Variants in DPY19L1 observed in about 807,000 individuals in gnomAD.
DPY19L1 encodes dpy-19 like C-mannosyltransferase 1, also known as protein C-mannosyl-transferase DPY19L1.
In DPY19L1, 35 loss-of-function variants were observed where a neutral mutation model predicts 96.9. The ratio of observed to expected loss-of-function variants is 0.36; its 90% CI spans 0.28 to 0.48. The LOEUF (loss-of-function observed/expected upper bound fraction) is 0.48, where lower values mean the gene tolerates loss of function less well. Ranked by LOEUF, DPY19L1 falls within the 20% of genes least tolerant of loss-of-function variation. DPY19L1 has a pLI of 0.99. For missense variants in DPY19L1, 521 were observed against 777.9 expected (o/e 0.67, Z 3.93); for synonymous variants, 205 against 252.6 (o/e 0.81, Z 1.79).
At chr7:34,931,817 T>C (rs1220398958) in intron 21 of DPY19L1, 88 bp from the exon 22 acceptor site, 5 of 1,464,726 alleles carry the variant, frequency 3.4e-6, no homozygotes, top group Non-Finnish European at 4.5e-6. Flanking sequence ...CTGACCTCAA[T>C]TCCTTTTTTC....
Position 34,932,280 on chromosome 7 carries a change from G to C in DPY19L1, c.2091-551C>G, listed in dbSNP as rs59982248. 6.5e-3 allele frequency among the ~76,000 whole-genome samples: 988 copies of C among 152,286 alleles called. 11 individuals are homozygous for C. Among genetic ancestry groups the C allele is most frequent in the African/African-American group, 0.023 (940 of 41,550 alleles). ...GTATGTTCCAATAAACCCATCATAAGTTGAAAATGCATTTAATACACCTAA... is the reference window on the plus strand; with the variant it reads ...GTATGTTCCAATAAACCCATCATAACTTGAAAATGCATTTAATACACCTAA... On this transcript the variant is annotated intron_variant, in intron 21 of 21. Coordinates refer to ENST00000638088, the MANE Select transcript of DPY19L1 (RefSeq NM_001366673.1).
At chr7:34,988,966 C>A (rs1397103955) in intron 7 of DPY19L1, among the ~76,000 whole-genome samples, 1 of 152,140 alleles carries the variant, frequency 6.6e-6, no homozygotes, top group African/African-American at 2.4e-5. Context: ...TGCAATAATC[C>A]TATGAGGTGG....
chr7:34,962,464 G>A (rs1008865700), intron 10 of DPY19L1, among the ~76,000 whole-genome samples: 3 of 152,190 alleles, frequency 2.0e-5, no homozygotes, highest in African/African-American at 7.2e-5. Flanking sequence ...TGAATAGGTG[G>A]AGCACAGAAG....
chr7:34,940,150 T>A lies in DPY19L1; in HGVS notation c.1864+3A>T. The A allele has an allele frequency of 6.8e-7, 1 of 1,462,552 alleles. No homozygotes were observed. The highest frequency in any genetic ancestry group is 9.0e-7 in the Non-Finnish European group (1 of 1,110,952). 90.6% of individuals were successfully genotyped at this position (1,462,552 alleles called of 1,614,324 possible). A position where few individuals can be genotyped will look rare whatever the true frequency, so the allele number is the denominator to read the frequency against. On this transcript the variant is annotated splice_donor_region_variant and intron_variant, in intron 19 of 21. Transcript: ENST00000638088. Reference sequence around the variant, plus strand: ...ACTTTTTTTTTCTTTTTTTTTTTTTTACCTGGTTTAGTACTATATTTGATC... The same window carrying A: ...ACTTTTTTTTTCTTTTTTTTTTTTTAACCTGGTTTAGTACTATATTTGATC...
chr7:34,977,496 A>G (rs1354620215), intron 7 of DPY19L1, among the ~76,000 whole-genome samples: 2 of 152,206 alleles, frequency 1.3e-5, no homozygotes, highest in Admixed American at 1.3e-4. Context: ...GACTGTAATG[A>G]AGGGCAAGGT....
chr7:34,966,094 C>G (rs1784602420), intron 10 of DPY19L1, among the ~76,000 whole-genome samples: 1 of 151,742 alleles, frequency 6.6e-6, no homozygotes, highest in Admixed American at 6.6e-5. Context: ...CTCCTGGGCT[C>G]AAATGTCCTC....
rs561158085 is a variant in DPY19L1, at chr7:35,005,030, G to T, written c.764+5438C>A. On this transcript the variant is annotated intron_variant, in intron 6 of 21. Coordinates refer to ENST00000638088, the MANE Select transcript of DPY19L1 (RefSeq NM_001366673.1). ...GTCTAAAAATCTAATGGGTTATTTT[G>T]GGGGCAACCTCAGATAGGATACTGA... Among the ~76,000 whole-genome samples, 192 of 152,276 alleles carry T rather than the reference G, an allele frequency of 1.3e-3. 1 individual carries two copies. The highest frequency in any genetic ancestry group is 4.2e-3 in the Admixed American group (64 of 15,300).
At chr7:34,953,383 G>C (rs759407318) in intron 13 of DPY19L1, among the ~76,000 whole-genome samples, 18 of 152,042 alleles carry the variant, frequency 1.2e-4, no homozygotes, top group Non-Finnish European at 2.5e-4. Context: ...ACCTTAACTG[G>C]TTCATGTTCC....
intron 14 of DPY19L1, 74 bp downstream of exon 14, chr7:34,949,723 T>TA (rs1784231013): frequency 1.1e-6 from 1 of 906,576 alleles, no homozygotes; most frequent in East Asian, 2.6e-5. Flanking sequence ...AAGAGTCTGA[T>TA]ATAAGAGGAG....
chr7:35,037,579 G>C (rs1418530302), upstream of DPY19L1: 1 of 289,640 alleles, frequency 3.5e-6, no homozygotes, highest in Non-Finnish European at 6.4e-6. Context: ...CTGCTGCCTG[G>C]CTGGCAGTAC....
At chr7:34,962,141 C>A (rs1289971641) in intron 10 of DPY19L1, among the ~76,000 whole-genome samples, 1 of 152,190 alleles carries the variant, frequency 6.6e-6, no homozygotes, top group Non-Finnish European at 1.5e-5. Flanking sequence ...AACCTGCATA[C>A]AGATGTTTAC....
At chr7:34,976,948 TA>T (rs1784843641) in intron 7 of DPY19L1, among the ~76,000 whole-genome samples, 1 of 138,160 alleles carries the variant, frequency 7.2e-6, no homozygotes, top group Admixed American at 7.2e-5. Context: ...CACACCCAGC[TA>T]ATTTTTTTTT....
intron 7 of DPY19L1, among the ~76,000 whole-genome samples, chr7:34,980,502 A>T (rs1212036835): frequency 6.6e-6 from 1 of 152,142 alleles, no homozygotes; most frequent in Non-Finnish European, 1.5e-5. Context: ...AAAACGAAAA[A>T]AGAGGAAAAG....
intron 6 of DPY19L1, among the ~76,000 whole-genome samples, chr7:35,001,217 T>C (rs1785418885): frequency 6.6e-6 from 1 of 152,216 alleles, no homozygotes; most frequent in African/African-American, 2.4e-5. Context: ...AAGATTGGAA[T>C]CTGCAGAAGG....
intron 4 of DPY19L1, 64 bp from the exon 5 acceptor site, chr7:35,011,514 C>T: frequency 7.0e-7 from 1 of 1,431,068 alleles, no homozygotes; most frequent in Non-Finnish European, 9.5e-7. Context: ...TACTAGAATA[C>T]TTTTGAGATA....
chr7:35,008,800 C>T lies in DPY19L1; in HGVS notation c.764+1668G>A, dbSNP rs147284493. Among the ~76,000 whole-genome samples the T allele has an allele frequency of 5.8e-3, 884 of 152,180 alleles. 10 individuals are homozygous for T. The highest frequency in any genetic ancestry group is 0.02 in the African/African-American group (824 of 41,502). ...CTTCTCTTATGTAAAATCTAATCTC[C>T]CAAATGTAATAAAGCTACCCATAGA... On this transcript the variant is annotated intron_variant, in intron 6 of 21. Coordinates refer to ENST00000638088, the MANE Select transcript of DPY19L1 (RefSeq NM_001366673.1).
chr7:34,985,190 G>A (rs547805768), intron 7 of DPY19L1, among the ~76,000 whole-genome samples: 6 of 152,160 alleles, frequency 3.9e-5, no homozygotes, highest in East Asian at 1.9e-4. Context: ...TAAGAATTTC[G>A]TATTTGGAGA....
At chr7:34,981,767 A>T (rs1455775737) in intron 7 of DPY19L1, among the ~76,000 whole-genome samples, 1 of 152,150 alleles carries the variant, frequency 6.6e-6, no homozygotes, top group East Asian at 1.9e-4. Context: ...CCTGGCCAAC[A>T]TGGTGAAACC....
intron 14 of DPY19L1, 24 bp downstream of exon 14, chr7:34,949,773 A>G (rs939418698): frequency 6.8e-7 from 1 of 1,465,380 alleles, no homozygotes; most frequent in Non-Finnish European, 9.5e-7. Context: ...ACCTTAGGAA[A>G]CAGAACTAGA....
Sources: gnomAD v4.1 joint callset for allele counts (sites outside exome capture counted in the v4.1 genomes callset) on GRCh38, gnomAD v4.1.1 for gene constraint, MANE v1.5 for transcripts, NCBI Gene and HGNC (gene_info 2026-07-23, HGNC 2026-07-21) for gene names.